The following PDE7B variants were observed in gnomAD, a reference collection of about 807,000 sequenced individuals.
PDE7B encodes 3',5'-cyclic-AMP phosphodiesterase 7B.
PDE7B carries 29 observed loss-of-function variants against 56.2 expected under a neutral mutation model. That is an observed-to-expected ratio of 0.52 (90% CI 0.38 to 0.70). The LOEUF is 0.70. Among genes scored for constraint, PDE7B ranks in the 30% least tolerant of loss-of-function variants. The pLI is 0.00. For synonymous variants in PDE7B, 197 were observed against 196.9 expected, an observed-to-expected ratio of 1.00 and a Z score of 0.00; for missense variants, 490 against 565.0, an observed-to-expected ratio of 0.87 and a Z score of 1.35.
chr6:135,958,008 G>T (rs2128200972), intron 2 of PDE7B, among the ~76,000 whole-genome samples: 1 of 152,226 alleles, frequency 6.6e-6, no homozygotes. Flanking sequence ...GAGGTGGGCG[G>T]ATACCCTGAG....
intron 12 of PDE7B, among the ~76,000 whole-genome samples, chr6:136,187,699 A>G (rs1000163220): frequency 6.6e-6 from 1 of 152,250 alleles, no homozygotes. Flanking sequence ...ATGCCAATGC[A>G]TCCAAAATAA....
intron 2 of PDE7B, among the ~76,000 whole-genome samples, chr6:136,020,288 CG>C (rs1378328741): frequency 6.6e-6 from 1 of 152,102 alleles, no homozygotes; most frequent in East Asian, 1.9e-4. Flanking sequence ...CTCCACCTTC[CG>C]GCTGACTTGA....
intron 1 of PDE7B, among the ~76,000 whole-genome samples, chr6:135,876,553 GAT>G (rs1775496251): frequency 6.6e-6 from 1 of 152,076 alleles, no homozygotes; most frequent in Admixed American, 6.5e-5. Context: ...ATAGTCGATA[GAT>G]ATGTTCAATA....
intron 1 of PDE7B, among the ~76,000 whole-genome samples, chr6:135,865,627 G>GTGTGTGTGTA (rs1331329630): frequency 2.1e-5 from 3 of 144,600 alleles, no homozygotes; most frequent in African/African-American, 7.6e-5. Flanking sequence ...GTGTGTGTGT[G>GTGTGTGTGTA]TGTGTGTGTG....
At chr6:135,982,460 G>A (rs1372111759) in intron 2 of PDE7B, among the ~76,000 whole-genome samples, 8 of 152,042 alleles carry the variant, frequency 5.3e-5, no homozygotes, top group Non-Finnish European at 1.5e-5. Flanking sequence ...GAGAGAATCT[G>A]TCTGGCCCAG....
chr6:136,155,528 C>T (rs1778588573), intron 7 of PDE7B, 99 bp from the exon 8 acceptor site: 1 of 1,012,540 alleles, frequency 9.9e-7, no homozygotes, highest in Non-Finnish European at 1.5e-6. Context: ...TAGGCTTAAA[C>T]AATGCCATGA....
At chr6:136,063,536 G>C (rs925642809) in intron 2 of PDE7B, among the ~76,000 whole-genome samples, 2 of 152,136 alleles carry the variant, frequency 1.3e-5, no homozygotes, top group Non-Finnish European at 2.9e-5. Context: ...TTTCAGCATG[G>C]CTTAAAGATG....
At chr6:136,082,495 C>T (rs1009241905) in intron 2 of PDE7B, among the ~76,000 whole-genome samples, 1 of 152,160 alleles carries the variant, frequency 6.6e-6, no homozygotes, top group Non-Finnish European at 1.5e-5. Context: ...ATGGGAAAGG[C>T]TGTGATGTTC....
chr6:136,069,557 A>G (rs1018361515), intron 2 of PDE7B, among the ~76,000 whole-genome samples: 1 of 152,240 alleles, frequency 6.6e-6, no homozygotes, highest in African/African-American at 2.4e-5. Flanking sequence ...CAGAGTTTTT[A>G]AGGCATTCAA....
intron 1 of PDE7B, among the ~76,000 whole-genome samples, chr6:135,876,113 G>T (rs1269785216): frequency 1.3e-5 from 2 of 152,242 alleles, no homozygotes; most frequent in East Asian, 3.9e-4. Flanking sequence ...AGGAATATGG[G>T]GTAGGAAAAG....
intron 2 of PDE7B, among the ~76,000 whole-genome samples, chr6:135,953,340 T>C (rs1387985577): frequency 6.6e-6 from 1 of 152,146 alleles, no homozygotes; most frequent in African/African-American, 2.4e-5. Flanking sequence ...AAAATAAGAT[T>C]TGGTATCAAA....
In PDE7B at chr6:136,004,280, T is replaced by G. The variant is rs1583822932; in HGVS notation, c.82+56756T>G. Among the ~76,000 whole-genome samples, 4 of 152,192 alleles carry G rather than the reference T, an allele frequency of 2.6e-5. No individual in the cohort carries two copies. In the South Asian group the frequency reaches 8.3e-4, roughly 32 times the overall value. ...GGGCAAAAACTGGAAGCATTCCCTT[T>G]GAAAACGGGCACAAGACAGGGATGC... is the stretch of plus-strand genomic sequence containing the variant. On this transcript the variant is annotated intron_variant, in intron 2 of 12. Coordinates refer to ENST00000308191, the MANE Select transcript of PDE7B (RefSeq NM_018945.4).
chr6:135,972,795 T>G (rs1460468576), intron 2 of PDE7B, among the ~76,000 whole-genome samples: 1 of 152,128 alleles, frequency 6.6e-6, no homozygotes, highest in Admixed American at 6.6e-5. Flanking sequence ...CCAAGACAGA[T>G]AGATGACAGC....
intron 2 of PDE7B, among the ~76,000 whole-genome samples, chr6:136,013,705 G>T (rs535076578): frequency 2.6e-4 from 39 of 152,310 alleles, no homozygotes; most frequent in African/African-American, 8.9e-4. Context: ...GGAGTTGATA[G>T]GGCTTTCAGC....
chr6:135,973,390 G>A (rs1775127652), intron 2 of PDE7B, among the ~76,000 whole-genome samples: 1 of 151,058 alleles, frequency 6.6e-6, no homozygotes, highest in Non-Finnish European at 1.5e-5. Flanking sequence ...TGGATCTTAG[G>A]TTGTTTCCAT....
chr6:136,147,257 A>G, intron 3 of PDE7B, 94 bp from the exon 4 acceptor site: 1 of 769,288 alleles, frequency 1.3e-6, no homozygotes, highest in South Asian at 2.3e-5. Flanking sequence ...CATCTTTTAA[A>G]TTTCTCTTCT....
rs545399622 is a variant in PDE7B, at chr6:136,032,221, T to C, written c.83-76510T>C. 3.9e-5 allele frequency among the ~76,000 whole-genome samples: 6 copies of C among 152,296 alleles called. No homozygotes were observed. In the East Asian group the frequency reaches 5.8e-4, roughly 15 times the overall value. ...ATGAGGCCAGTAGGGGGCCTGAAGA[T>C]ACATGTTCACTACCACAGCATATGA... On this transcript the variant is annotated intron_variant, in intron 2 of 12. Coordinates refer to ENST00000308191, the MANE Select transcript of PDE7B (RefSeq NM_018945.4).
At chr6:136,047,266 C>A (rs1223991802) in intron 2 of PDE7B, 2 of 152,084 alleles carry the variant, frequency 1.3e-5, no homozygotes, top group African/African-American at 4.8e-5. Flanking sequence ...AAAGTTTGAC[C>A]AAATGACTGT....
chr6:136,149,089 T>A lies in PDE7B; in HGVS notation c.321T>A (p.His107Gln). Reference sequence around the variant, plus strand: ...CTGTTTTTTGTTTGCCTTTTCAGCATATGCTCTCCAAAGTGGGAATGTGGG... The same window carrying A: ...CTGTTTTTTGTTTGCCTTTTCAGCAAATGCTCTCCAAAGTGGGAATGTGGG... Reference protein sequence around the residue: ...LDEDYLGQARHMLSKVGMWDF... With the variant: ...LDEDYLGQARQMLSKVGMWDF... Residue 107 changes from histidine to glutamine, a missense_variant and splice_region_variant, in exon 5 of 13, where the codon CAT becomes CAA. Transcript: ENST00000308191. 6.2e-7 allele frequency: 1 copy of A among 1,610,948 alleles called. No individual in the cohort carries two copies. Among genetic ancestry groups the A allele is most frequent in the Non-Finnish European group, 8.5e-7 (1 of 1,177,138 alleles).
Sources: allele counts gnomAD v4.1 joint callset (sites outside exome capture counted in the v4.1 genomes callset), GRCh38; gene constraint gnomAD v4.1.1; transcripts MANE v1.5; gene names NCBI Gene and HGNC (gene_info 2026-07-23, HGNC 2026-07-21).